Variants in MACROD2 observed in about 807,000 individuals in gnomAD.
MACROD2 encodes ADP-ribose glycohydrolase MACROD2.
In MACROD2, 36 loss-of-function variants were observed where a neutral mutation model predicts 70.4. The ratio of observed to expected loss-of-function variants is 0.51; its 90% CI spans 0.39 to 0.68. The LOEUF is 0.68. MACROD2 is among the 30% of genes least tolerant of loss of function. MACROD2 has a pLI of 0.00. For missense variants in MACROD2, 496 were observed against 538.4 expected (o/e 0.92, Z 0.78); for synonymous variants, 172 against 178.8 (o/e 0.96, Z 0.30).
rs141437229 is a variant in MACROD2 at position 15,161,531 on chromosome 20, C to G, written c.419-68409C>G. Among the ~76,000 whole-genome samples, 860 of 151,946 alleles carry G rather than the reference C, an allele frequency of 5.7e-3. 4 individuals carry two copies. Among genetic ancestry groups the G allele is most frequent in the Non-Finnish European group, 9.6e-3 (651 of 67,894 alleles). ...ATAATATTTGTACATACTGCCCATT[C>G]TAAGTGGGCTACTAGTAAATATACA... On this transcript the variant is annotated intron_variant, in intron 5 of 17. Coordinates refer to ENST00000684519, the MANE Select transcript of MACROD2 (RefSeq NM_001351661.2).
chr20:15,980,075 G>C (rs1049272532), intron 13 of MACROD2, among the ~76,000 whole-genome samples: 20 of 152,234 alleles, frequency 1.3e-4, no homozygotes, highest in Non-Finnish European at 2.6e-4. Context: ...GTACGTGGCA[G>C]GGGCTGCATG....
chr20:14,501,593 G>C (rs1169489779), intron 4 of MACROD2, among the ~76,000 whole-genome samples: 1 of 151,860 alleles, frequency 6.6e-6, no homozygotes, highest in Middle Eastern at 3.4e-3. Context: ...TTTTTAAAAT[G>C]AGTTTTATAA....
intron 15 of MACROD2, among the ~76,000 whole-genome samples, chr20:15,996,541 A>G (rs1380194075): frequency 6.6e-6 from 1 of 152,100 alleles, no homozygotes; most frequent in Non-Finnish European, 1.5e-5. Flanking sequence ...TGGTTTAATC[A>G]GATTTTCTTT....
intron 8 of MACROD2, among the ~76,000 whole-genome samples, chr20:15,813,067 T>A (rs922444946): frequency 2.0e-5 from 3 of 152,328 alleles, no homozygotes; most frequent in African/African-American, 7.2e-5. Context: ...TTTTCCTATA[T>A]ATTTTATTAA....
At chr20:14,376,378 G>A (rs1269236221) in intron 3 of MACROD2, among the ~76,000 whole-genome samples, 2 of 152,124 alleles carry the variant, frequency 1.3e-5, no homozygotes, top group East Asian at 3.9e-4. Flanking sequence ...TGAAAATCAT[G>A]TAGTGAACAT....
At chr20:15,606,089 C>G (rs1458008755) in intron 8 of MACROD2, among the ~76,000 whole-genome samples, 2 of 152,164 alleles carry the variant, frequency 1.3e-5, no homozygotes, top group Non-Finnish European at 2.9e-5. Context: ...TGCTCTATTG[C>G]AAATGCTTCT....
At chr20:14,937,362 C>G (rs1482769731) in intron 5 of MACROD2, among the ~76,000 whole-genome samples, 2 of 151,952 alleles carry the variant, frequency 1.3e-5, no homozygotes, top group African/African-American at 4.8e-5. Flanking sequence ...CTGTGGAGAT[C>G]CATTCTTCTT....
intron 10 of MACROD2, among the ~76,000 whole-genome samples, chr20:15,903,040 T>C (rs1226751435): frequency 6.6e-6 from 1 of 152,028 alleles, no homozygotes; most frequent in Non-Finnish European, 1.5e-5. Flanking sequence ...CATAAAGGGG[T>C]AAGCCAGGCA....
chr20:16,004,072 G>A (rs558710782), intron 15 of MACROD2, among the ~76,000 whole-genome samples: 12 of 152,226 alleles, frequency 7.9e-5, no homozygotes, highest in Admixed American at 7.2e-4. Flanking sequence ...CAAACCAGCT[G>A]GCTCACAACT....
rs566873714 is a variant in MACROD2, at chr20:16,048,592, G to A, written c.1301-1238G>A. On this transcript the variant is annotated intron_variant, in intron 17 of 17. Coordinates refer to ENST00000684519, the MANE Select transcript of MACROD2 (RefSeq NM_001351661.2). ...CTGAGATTACTGAAAACCAGGGACCGCAGATATAAAATACAGAACCACAAG... is the reference window on the plus strand; with the variant it reads ...CTGAGATTACTGAAAACCAGGGACCACAGATATAAAATACAGAACCACAAG... Among the ~76,000 whole-genome samples the A allele has an allele frequency of 5.3e-5, 8 of 152,122 alleles. No individual in the cohort carries two copies. In the East Asian group the frequency reaches 5.8e-4, roughly 11 times the overall value.
intron 15 of MACROD2, among the ~76,000 whole-genome samples, chr20:16,034,863 T>C (rs1326990302): frequency 6.6e-6 from 1 of 151,276 alleles, no homozygotes. Context: ...TCTTATGCCT[T>C]TGCGTCCTCA....
intron 4 of MACROD2, chr20:14,622,033 A>C (rs1308762171): frequency 6.6e-6 from 1 of 152,196 alleles, no homozygotes; most frequent in Non-Finnish European, 1.5e-5. Context: ...GAGCTCAAAG[A>C]AGGTAAAATC....
intron 9 of MACROD2, among the ~76,000 whole-genome samples, chr20:15,878,582 A>G (rs1327283567): frequency 1.3e-5 from 2 of 152,114 alleles, no homozygotes; most frequent in African/African-American, 2.4e-5. Flanking sequence ...AAAAGACTGT[A>G]TTAATTATGG....
At chr20:15,130,873 G>A (rs1260495488) in intron 5 of MACROD2, among the ~76,000 whole-genome samples, 4 of 152,058 alleles carry the variant, frequency 2.6e-5, no homozygotes, top group African/African-American at 9.7e-5. Flanking sequence ...GAGGCCCTGA[G>A]GTGAGTAAGG....
At chr20:15,382,375 C>A (rs979435101) in intron 6 of MACROD2, among the ~76,000 whole-genome samples, 6 of 152,034 alleles carry the variant, frequency 3.9e-5, no homozygotes, top group Non-Finnish European at 8.8e-5. Flanking sequence ...TACTAAGAGA[C>A]AAAAATATGA....
chr20:14,712,998 G>A (rs559363549), intron 5 of MACROD2, among the ~76,000 whole-genome samples: 38 of 151,946 alleles, frequency 2.5e-4, no homozygotes, highest in African/African-American at 5.1e-4. Flanking sequence ...TAAGAAAGAC[G>A]GAGAAAGAAG....
At chr20:15,490,630 G>T (rs1260552128) in intron 7 of MACROD2, among the ~76,000 whole-genome samples, 2 of 152,074 alleles carry the variant, frequency 1.3e-5, no homozygotes, top group African/African-American at 4.8e-5. Context: ...GGTCATGGGG[G>T]CGACGAAGTC....
intron 8 of MACROD2, among the ~76,000 whole-genome samples, chr20:15,750,337 T>C (rs555280068): frequency 5.3e-5 from 8 of 152,042 alleles, no homozygotes; most frequent in African/African-American, 1.7e-4. Context: ...TAATTAAAAA[T>C]ACTTTTTAAA....
chr20:14,539,857 C>T (rs2085409895), intron 4 of MACROD2, among the ~76,000 whole-genome samples: 1 of 152,076 alleles, frequency 6.6e-6, no homozygotes, highest in Admixed American at 6.5e-5. Flanking sequence ...TTTTTTTCCA[C>T]TGGTTAGTAG....
Sources: gnomAD v4.1 joint callset for allele counts (sites outside exome capture counted in the v4.1 genomes callset) on GRCh38, gnomAD v4.1.1 for gene constraint, MANE v1.5 for transcripts, NCBI Gene and HGNC (gene_info 2026-07-23, HGNC 2026-07-21) for gene names.